Variants in NRG3 observed in about 807,000 individuals in gnomAD.
NRG3 encodes pro-neuregulin-3, membrane-bound isoform.
A neutral mutation model predicts 66.9 loss-of-function variants in NRG3; 31 were observed. That is an observed-to-expected ratio of 0.46 (90% CI 0.35 to 0.63). NRG3 has a LOEUF of 0.63. NRG3 is among the 20% of genes least tolerant of loss of function. The probability of loss-of-function intolerance (pLI) is 0.00; values close to 1 mark genes in which losing one functional copy is unlikely to be tolerated. For synonymous variants in NRG3, 393 were observed against 359.4 expected (o/e 1.09, Z -1.06); for missense variants, 910 against 878.9 (o/e 1.04, Z -0.45).
At chr10:82,274,883 C>T (rs1305365763) in intron 1 of NRG3, among the ~76,000 whole-genome samples, 1 of 151,834 alleles carries the variant, frequency 6.6e-6, no homozygotes, top group African/African-American at 2.4e-5. Flanking sequence ...ACCTCTTGCC[C>T]AAAGCACCCA....
chr10:82,923,846 G>C lies in NRG3; in HGVS notation c.1055-27623G>C, dbSNP rs563262660. Among the ~76,000 whole-genome samples the C allele has an allele frequency of 2.1e-4, 32 of 152,080 alleles. 1 individual carries two copies. In the South Asian group the frequency reaches 2.7e-3, roughly 13 times the overall value. On this transcript the variant is annotated intron_variant, in intron 4 of 8. Coordinates refer to ENST00000372141, the MANE Select transcript of NRG3 (RefSeq NM_001010848.4). ...TGTGCACTTGTTAAAGGTAGAGAGA[G>C]GGCCGGGCACAGAGGTCAGGTGGGC...
At chr10:82,185,415 T>C (rs1282745901) in intron 1 of NRG3, among the ~76,000 whole-genome samples, 2 of 152,178 alleles carry the variant, frequency 1.3e-5, no homozygotes, top group Non-Finnish European at 2.9e-5. Context: ...AGCTTTATTC[T>C]GGGGTCAAAT....
At chr10:82,912,129 T>C (rs886701554) in intron 4 of NRG3, among the ~76,000 whole-genome samples, 5 of 152,176 alleles carry the variant, frequency 3.3e-5, no homozygotes, top group East Asian at 3.8e-4. Context: ...TTGAGAAGAA[T>C]GTGTATTCTG....
intron 1 of NRG3, among the ~76,000 whole-genome samples, chr10:81,886,556 T>G (rs2132520275): frequency 6.6e-6 from 1 of 152,278 alleles, no homozygotes; most frequent in East Asian, 1.9e-4. Flanking sequence ...CACAATAAAC[T>G]AAACTGGAAA....
intron 4 of NRG3, among the ~76,000 whole-genome samples, chr10:82,894,327 A>G (rs192076712): frequency 6.6e-6 from 1 of 152,362 alleles, no homozygotes; most frequent in African/African-American, 2.4e-5. Context: ...ACAAAAAATA[A>G]TTAAATAAGC....
intron 1 of NRG3, among the ~76,000 whole-genome samples, chr10:81,955,214 T>A (rs1663247581): frequency 6.8e-6 from 1 of 147,066 alleles, no homozygotes; most frequent in South Asian, 2.1e-4. Context: ...ATACAGAGAG[T>A]GAGAGATTTT....
chr10:82,860,800 C>G (rs915032058), intron 3 of NRG3, among the ~76,000 whole-genome samples: 12 of 152,196 alleles, frequency 7.9e-5, no homozygotes, highest in African/African-American at 1.7e-4. Flanking sequence ...TGTGCCTCTT[C>G]TTCCACCCTA....
chr10:82,869,625 TGAGACAG>T (rs1841105378), intron 4 of NRG3, among the ~76,000 whole-genome samples: 30 of 146,516 alleles, frequency 2.0e-4, no homozygotes, highest in South Asian at 2.1e-4. Flanking sequence ...TATTTTATTT[TGAGACAG>T]AGTTTCGCTC....
chr10:82,894,932 T>C (rs1183566594), intron 4 of NRG3, among the ~76,000 whole-genome samples: 1 of 152,146 alleles, frequency 6.6e-6, no homozygotes, highest in Non-Finnish European at 1.5e-5. Flanking sequence ...TGTGTGATGT[T>C]CCCCTCTCTG....
Position 82,904,174 on chromosome 10 carries a change from C to A in NRG3, c.1054+38737C>A, listed in dbSNP as rs145418303. 6.6e-3 allele frequency among the ~76,000 whole-genome samples: 1,003 copies of A among 152,262 alleles called. 14 individuals are homozygous for A. Among genetic ancestry groups the A allele is most frequent in the African/African-American group, 0.023 (976 of 41,570 alleles). On this transcript the variant is annotated intron_variant, in intron 4 of 8. Transcript: ENST00000372141. Reference sequence around the variant, plus strand: ...CTTTGAATGCAGCCCAACACAAATTCATAAACTTTCTTAAAACATCATGAG... The same window carrying A: ...CTTTGAATGCAGCCCAACACAAATTAATAAACTTTCTTAAAACATCATGAG...
chr10:82,006,667 G>A (rs1052260742), intron 1 of NRG3, among the ~76,000 whole-genome samples: 2 of 151,732 alleles, frequency 1.3e-5, no homozygotes, highest in Admixed American at 6.6e-5. Context: ...ATGGTTAGCC[G>A]GTTATTTCTG....
At chr10:82,131,282 CTATT>C (rs994490467) in intron 1 of NRG3, among the ~76,000 whole-genome samples, 7 of 152,038 alleles carry the variant, frequency 4.6e-5, no homozygotes, top group Admixed American at 2.6e-4. Context: ...TTTCCCAGCA[CTATT>C]TAAAGAGACT....
At chr10:82,504,006 C>T (rs1220040199) in intron 2 of NRG3, among the ~76,000 whole-genome samples, 1 of 152,170 alleles carries the variant, frequency 6.6e-6, no homozygotes, top group Admixed American at 6.5e-5. Context: ...TCTCAGTTTG[C>T]TCTGAATATG....
intron 3 of NRG3, among the ~76,000 whole-genome samples, chr10:82,768,649 A>G (rs926171702): frequency 6.6e-6 from 1 of 152,070 alleles, no homozygotes; most frequent in Non-Finnish European, 1.5e-5. Context: ...AGTATATAAA[A>G]CATTTTTCTT....
Position 82,017,642 on chromosome 10 carries a change from G to A in NRG3, c.823+141479G>A, listed in dbSNP as rs556902918. On this transcript the variant is annotated intron_variant, in intron 1 of 8. Transcript: ENST00000372141. ...TAATGATCGCCATTCTAACTGGTGT[G>A]AGATGGTATCTCATTGTGGTTTTGA... Among the ~76,000 whole-genome samples the A allele has an allele frequency of 3.3e-5, 5 of 152,296 alleles. No individual in the cohort carries two copies. The East Asian group carries it at 9.7e-4, about 29-fold the overall frequency.
At chr10:82,366,865 T>C (rs963572908) in intron 2 of NRG3, among the ~76,000 whole-genome samples, 1 of 152,232 alleles carries the variant, frequency 6.6e-6, no homozygotes, top group East Asian at 1.9e-4. Flanking sequence ...GTTTAAAATA[T>C]GTAGGCACTA....
intron 2 of NRG3, among the ~76,000 whole-genome samples, chr10:82,502,875 G>C (rs1844328330): frequency 6.6e-6 from 1 of 152,114 alleles, no homozygotes; most frequent in Non-Finnish European, 1.5e-5. Flanking sequence ...GACAATTCTA[G>C]GTCTTAGTAT....
intron 4 of NRG3, among the ~76,000 whole-genome samples, chr10:82,907,978 A>T (rs192970673): frequency 6.6e-6 from 1 of 152,232 alleles, no homozygotes; most frequent in Non-Finnish European, 1.5e-5. Flanking sequence ...GGGATAAACC[A>T]TCATTCCTCC....
intron 2 of NRG3, among the ~76,000 whole-genome samples, chr10:82,426,494 A>G (rs1398786623): frequency 6.8e-6 from 1 of 146,704 alleles, no homozygotes; most frequent in Non-Finnish European, 1.5e-5. Context: ...ATCTATTTTC[A>G]GGTTTTTTTT....
Sources: allele counts gnomAD v4.1 joint callset (sites outside exome capture counted in the v4.1 genomes callset), GRCh38; gene constraint gnomAD v4.1.1; transcripts MANE v1.5; gene names NCBI Gene and HGNC (gene_info 2026-07-23, HGNC 2026-07-21).